WASHC2C: variants seen among roughly 807,000 people sequenced by gnomAD.
WASHC2C encodes the protein WASH complex subunit 2C.
WASHC2C carries 73 observed loss-of-function variants against 142.2 expected under a neutral mutation model. The ratio of observed to expected loss-of-function variants is 0.51; its 90% CI spans 0.43 to 0.62. The LOEUF (loss-of-function observed/expected upper bound fraction) is 0.62, where lower values mean the gene tolerates loss of function less well. Ranked by LOEUF, WASHC2C falls within the 20% of genes least tolerant of loss-of-function variation. WASHC2C has a pLI of 0.00. For synonymous variants in WASHC2C, 337 were observed against 565.5 expected, an observed-to-expected ratio of 0.60 and a Z score of 5.73; for missense variants, 969 against 1,531.7, an observed-to-expected ratio of 0.63 and a Z score of 6.13.
Position 45,792,265 on chromosome 10 carries a change from C to T in WASHC2C, c.3891C>T (p.Asp1297=). 3.8e-6 allele frequency: 6 copies of T among 1,563,732 alleles called. 1 individual carries two copies. The highest frequency in any genetic ancestry group is 5.2e-6 in the Non-Finnish European group (6 of 1,145,886). The change falls in exon 31 of 31, where the codon GAC becomes GAT. Residue 1297 remains aspartate (D), a synonymous_variant. Coordinates refer to ENST00000623400, the MANE Select transcript of WASHC2C (RefSeq NM_001330074.2). ...TTTTCTTTTTTCTTTCTAAAGATGA[C>T]ATCTTCTCCACTGGTATCCAGGCTA... is the stretch of plus-strand genomic sequence containing the variant. The part of the protein sequence containing the change: ...AKSIFDDDMD[D]IFSTGIQAKT...
intron 6 of WASHC2C, 36 bp downstream of exon 6, chr10:45,743,519 A>G (rs781881011): frequency 2.3e-5 from 37 of 1,603,974 alleles, no homozygotes; most frequent in South Asian, 2.3e-5. Flanking sequence ...ATTCCTTAAC[A>G]TTTCTTTTTT....
chr10:45,771,848 C>G (rs1423856064), intron 20 of WASHC2C: 4 of 208,586 alleles, frequency 1.9e-5, no homozygotes, highest in Non-Finnish European at 3.3e-5. Context: ...GGCATTTCCT[C>G]AAAATGTTAA....
At chr10:45,761,674 T>C (rs1554880040) in intron 17 of WASHC2C, among the ~76,000 whole-genome samples, 2 of 152,180 alleles carry the variant, frequency 1.3e-5, no homozygotes, top group African/African-American at 4.8e-5. Context: ...CCCTGTGAAG[T>C]CATTTTGGGG....
Position 45,787,183 on chromosome 10 carries a change from G to A in WASHC2C, c.3023G>A (p.Ser1008Asn). 2 of 1,554,010 alleles carry A rather than the reference G, an allele frequency of 1.3e-6. No homozygotes were observed. Among genetic ancestry groups the A allele is most frequent in the African/African-American group, 2.8e-5 (2 of 72,122 alleles). The change falls in exon 28 of 31, where the codon AGT becomes AAT. Residue 1008 changes from serine (S) to asparagine (N), a missense_variant. By Grantham distance (46) the Ser-to-Asn change is conservative. Coordinates refer to ENST00000623400, the MANE Select transcript of WASHC2C (RefSeq NM_001330074.2). ...GLESVPVLPG[S>N]GEAGVSFDLP... Reference sequence around the variant, plus strand: ...GAAAGTGTGCCTGTCCTTCCCGGGAGTGGGGAGGCCGGTGTGAGTTTTGAT... The same window carrying A: ...GAAAGTGTGCCTGTCCTTCCCGGGAATGGGGAGGCCGGTGTGAGTTTTGAT...
At chr10:45,777,047 A>T (rs1317434799) in intron 21 of WASHC2C, among the ~76,000 whole-genome samples, 2 of 151,834 alleles carry the variant, frequency 1.3e-5, no homozygotes. Context: ...ACACAAGTAG[A>T]CAGATACAGG....
In WASHC2C at chr10:45,728,963, T is replaced by C. The variant is rs782409380; in HGVS notation, c.228T>C (p.Asp76=). 6.2e-7 allele frequency: 1 copy of C among 1,613,980 alleles called. No individual in the cohort carries two copies. The highest frequency in any genetic ancestry group is 1.7e-5 in the Admixed American group (1 of 60,012). ...DGLIRETKAT[D]CRLHNVFNDF... ...TAATCCGGGAAACCAAAGCCACAGA[T>C]TGTCGCCTGCATAATGTCTTCAATG... Residue 76 remains aspartate, a synonymous_variant, in exon 3 of 31, where the codon GAT becomes GAC. Coordinates refer to ENST00000623400, the MANE Select transcript of WASHC2C (RefSeq NM_001330074.2).
At chr10:45,741,165 C>G (rs1370374561) in intron 5 of WASHC2C, among the ~76,000 whole-genome samples, 2 of 152,142 alleles carry the variant, frequency 1.3e-5, no homozygotes, top group African/African-American at 4.8e-5. Flanking sequence ...CCAGGCTGGT[C>G]TCGAACTCCC....
chr10:45,758,007 A>C (rs1210897607), intron 16 of WASHC2C, among the ~76,000 whole-genome samples: 7 of 151,868 alleles, frequency 4.6e-5, no homozygotes, highest in African/African-American at 1.7e-4. Context: ...GTGTGTCTGC[A>C]TTGCATTTGG....
At chr10:45,768,292 C>T (rs2056181973) in intron 19 of WASHC2C, among the ~76,000 whole-genome samples, 1 of 151,420 alleles carries the variant, frequency 6.6e-6, no homozygotes, top group Non-Finnish European at 1.5e-5. Context: ...CAGTGGATCC[C>T]AGCTCCAGAG....
intron 16 of WASHC2C, among the ~76,000 whole-genome samples, chr10:45,758,578 A>G (rs370628137): frequency 6.7e-6 from 1 of 148,378 alleles, no homozygotes; most frequent in African/African-American, 2.5e-5. Flanking sequence ...TTCAGTGTAG[A>G]TGATAATCCA....
In WASHC2C at chr10:45,789,065, G is replaced by A. The variant is rs1430618567; in HGVS notation, c.3282G>A (p.Glu1094=). Residue 1094 remains glutamate (E), a synonymous_variant, in exon 29 of 31, where the codon GAG becomes GAA. Transcript: ENST00000623400. The stretch of plus-strand genomic sequence containing the variant: ...CCAGTGGAGAAGACAGCACTGAGGA[G>A]GCCCTGGCAGCTGCCGCTGCACCTT... ...RAASGEDSTE[E]ALAAAAAPWE... is the part of the protein sequence containing the mutation. 2 of 1,611,936 alleles carry A rather than the reference G, an allele frequency of 1.2e-6. No individual in the cohort carries two copies. The highest frequency in any genetic ancestry group is 1.7e-6 in the Non-Finnish European group (2 of 1,179,872).
intron 25 of WASHC2C, 99 bp downstream of exon 25, chr10:45,785,000 C>G: frequency 6.2e-7 from 1 of 1,608,414 alleles, no homozygotes; most frequent in African/African-American, 1.3e-5. Context: ...CTAGGAGAGT[C>G]GTGCTGCTTC....
chr10:45,735,173 G>A (rs1797646014), intron 3 of WASHC2C, among the ~76,000 whole-genome samples: 1 of 151,644 alleles, frequency 6.6e-6, no homozygotes, highest in Non-Finnish European at 1.5e-5. Context: ...GAATTGTCAT[G>A]GTTATCAATC....
At chr10:45,731,583 C>G (rs2050586178) in intron 3 of WASHC2C, among the ~76,000 whole-genome samples, 1 of 149,510 alleles carries the variant, frequency 6.7e-6, no homozygotes, top group Non-Finnish European at 1.5e-5. Context: ...GTCTTGATGC[C>G]CCTTCGCCTT....
At chr10:45,748,481 G>A (rs1437640189) in intron 8 of WASHC2C, among the ~76,000 whole-genome samples, 271 of 152,062 alleles carry the variant, frequency 1.8e-3, no homozygotes, top group African/African-American at 5.0e-3. Context: ...GTGGAGATGG[G>A]GTATCGCCAT....
intron 29 of WASHC2C, 37 bp downstream of exon 29, chr10:45,789,528 G>T (rs1349186915): frequency 6.2e-7 from 1 of 1,611,492 alleles, no homozygotes; most frequent in Non-Finnish European, 8.5e-7. Flanking sequence ...TCTGTTCTAA[G>T]TTAAGGAAGG....
rs943551912 is a variant in WASHC2C at position 45,727,334 on chromosome 10, G to A, written c.3+14G>A. Reference sequence around the variant, plus strand: ...GCGGCTGGGATGGTGAGGGCGGCGGGCCGGAGAGGGGCCGGCCTGGGCTGG... The same window carrying A: ...GCGGCTGGGATGGTGAGGGCGGCGGACCGGAGAGGGGCCGGCCTGGGCTGG... On this transcript the variant is annotated intron_variant, in intron 1 of 30. Transcript: ENST00000623400. The A allele has an allele frequency of 6.9e-6, 11 of 1,587,420 alleles. No homozygotes were observed. Among genetic ancestry groups the A allele is most frequent in the African/African-American group, 1.3e-5 (1 of 74,294 alleles).
chr10:45,731,406 T>C (rs1412452533), intron 3 of WASHC2C, among the ~76,000 whole-genome samples: 1 of 138,040 alleles, frequency 7.2e-6, no homozygotes, highest in Non-Finnish European at 1.5e-5. Context: ...CTATTTTTAG[T>C]AGAGATGGGG....
In WASHC2C at chr10:45,749,266, C is replaced by G. The variant is rs181116014; in HGVS notation, c.733-830C>G. On this transcript the variant is annotated intron_variant, in intron 8 of 30. Coordinates refer to ENST00000623400, the MANE Select transcript of WASHC2C (RefSeq NM_001330074.2). The stretch of plus-strand genomic sequence containing the variant: ...CCTGCCCAACATGGTGAAACCCCGT[C>G]TCTACCAAAAATATAAAAATTAGCC... Among the ~76,000 whole-genome samples the G allele has an allele frequency of 2.4e-3, 362 of 151,962 alleles. 1 individual carries two copies. The highest frequency in any genetic ancestry group is 8.5e-3 in the African/African-American group (354 of 41,408).
Sources: gnomAD v4.1 joint callset for allele counts (sites outside exome capture counted in the v4.1 genomes callset) on GRCh38, gnomAD v4.1.1 for gene constraint, MANE v1.5 for transcripts, NCBI Gene and HGNC (gene_info 2026-07-23, HGNC 2026-07-21) for gene names.